The following SHLD1 variants were observed in gnomAD, a reference collection of about 807,000 sequenced individuals.
SHLD1 encodes shieldin complex subunit 1.
Under a neutral mutation model 5.5 loss-of-function variants are expected in SHLD1, and 3 were observed. The ratio of observed to expected loss-of-function variants is 0.54; its 90% CI spans 0.25 to 1.40. The LOEUF is 1.40. Ranked by LOEUF, SHLD1 falls within the 40% of genes most tolerant of loss-of-function variation. The probability of loss-of-function intolerance (pLI) is 0.15; values close to 1 mark genes in which losing one functional copy is unlikely to be tolerated. For missense variants in SHLD1, 210 were observed against 244.4 expected (o/e 0.86, Z 0.94); for synonymous variants, 92 against 94.3 (o/e 0.98, Z 0.14).
At chr20:5,767,467 A>T (rs1404276529) in intron 1 of SHLD1, among the ~76,000 whole-genome samples, 5 of 152,086 alleles carry the variant, frequency 3.3e-5, no homozygotes, top group Admixed American at 3.3e-4. Context: ...TTCTACTCTC[A>T]TTTCAGTTAG....
intron 2 of SHLD1, among the ~76,000 whole-genome samples, chr20:5,838,218 T>C (rs562715748): frequency 6.6e-5 from 10 of 152,328 alleles, no homozygotes; most frequent in Admixed American, 5.9e-4. Context: ...GCTTACCTGC[T>C]GTAATAGGAT....
chr20:5,752,358 T>C (rs1031065217), intron 1 of SHLD1, among the ~76,000 whole-genome samples: 1 of 149,542 alleles, frequency 6.7e-6, no homozygotes, highest in Non-Finnish European at 1.5e-5. Context: ...ATCGCACTAC[T>C]GCACTCTAGC....
At chr20:5,833,023 G>A (rs990485173) in intron 2 of SHLD1, among the ~76,000 whole-genome samples, 1 of 151,922 alleles carries the variant, frequency 6.6e-6, no homozygotes, top group Non-Finnish European at 1.5e-5. Context: ...GGCCAGTGTT[G>A]CATGGCTGAC....
At chr20:5,819,906 G>A (rs1453713707) in intron 2 of SHLD1, among the ~76,000 whole-genome samples, 1 of 152,032 alleles carries the variant, frequency 6.6e-6, no homozygotes, top group African/African-American at 2.4e-5. Context: ...ACTGAGTTCT[G>A]GTGGATACAT....
chr20:5,833,254 T>C (rs1377636117), intron 2 of SHLD1, among the ~76,000 whole-genome samples: 1 of 152,254 alleles, frequency 6.6e-6, no homozygotes, highest in Non-Finnish European at 1.5e-5. Context: ...ATTTGTTTTT[T>C]AATATCTTAA....
chr20:5,798,364 G>A (rs1263853372), intron 2 of SHLD1, among the ~76,000 whole-genome samples: 6 of 151,676 alleles, frequency 4.0e-5, no homozygotes, highest in Admixed American at 6.6e-5. Context: ...GTGCAGTGGC[G>A]TGATCTCGGC....
At chr20:5,774,111 G>T (rs1013436058) in intron 2 of SHLD1, among the ~76,000 whole-genome samples, 22 of 152,172 alleles carry the variant, frequency 1.4e-4, no homozygotes, top group Admixed American at 1.4e-3. Context: ...GGCTGAAGCA[G>T]GAGAATCGCT....
chr20:5,854,662 T>C (rs1373446037), intron 2 of SHLD1, among the ~76,000 whole-genome samples: 2 of 152,092 alleles, frequency 1.3e-5, no homozygotes, highest in Admixed American at 6.6e-5. Context: ...TTTTAAAAAA[T>C]ATGATAAAAT....
At chr20:5,846,974 T>C (rs1370391736) in intron 2 of SHLD1, among the ~76,000 whole-genome samples, 1 of 152,252 alleles carries the variant, frequency 6.6e-6, no homozygotes, top group Non-Finnish European at 1.5e-5. Context: ...CGGTAGTTCC[T>C]AAATTTTTAT....
At position 5,863,518 on chromosome 20, in the gene SHLD1, G is replaced by A; in HGVS notation, c.*55G>A. On this transcript the variant is annotated 3_prime_UTR_variant, in exon 3 of 3. Coordinates refer to ENST00000303142, the MANE Select transcript of SHLD1 (RefSeq NM_152504.4). ...TGGAGGTGCTGTGCCATGACCAGCA[G>A]TGTTGGTGGCCACCCAGATCCCCTA... 6.6e-7 allele frequency: 1 copy of A among 1,506,298 alleles called. No homozygotes were observed. Among genetic ancestry groups the A allele is most frequent in the Non-Finnish European group, 9.0e-7 (1 of 1,117,002 alleles). 93.3% of individuals were successfully genotyped at this position (1,506,298 alleles called of 1,614,324 possible). A position where few individuals can be genotyped will look rare whatever the true frequency, so the allele number is the denominator to read the frequency against.
intron 2 of SHLD1, among the ~76,000 whole-genome samples, chr20:5,847,650 T>G (rs957592805): frequency 7.2e-5 from 11 of 152,166 alleles, no homozygotes; most frequent in African/African-American, 2.4e-4. Flanking sequence ...GGCCCCTAAC[T>G]GTATGAAAAG....
intron 2 of SHLD1, among the ~76,000 whole-genome samples, chr20:5,832,097 C>T (rs1371921093): frequency 1.3e-5 from 2 of 152,226 alleles, no homozygotes; most frequent in Middle Eastern, 3.2e-3. Context: ...CGCACCACTG[C>T]GCCCAGCAAA....
chr20:5,793,093 G>A (rs542462859), intron 2 of SHLD1, among the ~76,000 whole-genome samples: 8 of 152,238 alleles, frequency 5.3e-5, no homozygotes, highest in Admixed American at 3.3e-4. Flanking sequence ...GAGCATATAC[G>A]TAAGGGTTTA....
intron 2 of SHLD1, among the ~76,000 whole-genome samples, chr20:5,845,586 A>C (rs934570409): frequency 6.6e-6 from 1 of 152,260 alleles, no homozygotes; most frequent in Non-Finnish European, 1.5e-5. Context: ...AACTGATGTT[A>C]GAATACCTTT....
At chr20:5,764,894 C>CT (rs891506694) in intron 1 of SHLD1, among the ~76,000 whole-genome samples, 9 of 151,992 alleles carry the variant, frequency 5.9e-5, no homozygotes, top group Non-Finnish European at 1.0e-4. Context: ...GAAATCACTT[C>CT]TTATGTGTGC....
intron 2 of SHLD1, among the ~76,000 whole-genome samples, chr20:5,830,688 T>TAA (rs33975362): frequency 2.3e-5 from 3 of 131,330 alleles, no homozygotes; most frequent in South Asian, 2.5e-4. Context: ...AACTCCGTCT[T>TAA]AAAAAAAAAA....
intron 2 of SHLD1, among the ~76,000 whole-genome samples, chr20:5,816,805 C>T (rs2087535811): frequency 6.6e-6 from 1 of 152,218 alleles, no homozygotes; most frequent in African/African-American, 2.4e-5. Context: ...CGCAGTAGCT[C>T]ACACCTGTAA....
intron 2 of SHLD1, among the ~76,000 whole-genome samples, chr20:5,843,044 G>A (rs557801885): frequency 6.6e-6 from 1 of 152,244 alleles, no homozygotes; most frequent in Non-Finnish European, 1.5e-5. Flanking sequence ...CTCGGTAAAG[G>A]TAGATTTGTT....
At position 5,863,056 on chromosome 20, in the gene SHLD1, T is replaced by A; in HGVS notation, c.211T>A (p.Ser71Thr). 1 of 1,612,710 alleles carries A rather than the reference T, an allele frequency of 6.2e-7. No homozygotes were observed. The highest frequency in any genetic ancestry group is 1.1e-5 in the South Asian group (1 of 90,902). The change falls in exon 3 of 3, where the codon TCC (serine) becomes ACC (threonine). Residue 71 changes from serine (S) to threonine (T), a missense_variant. By Grantham distance (58) the Ser-to-Thr change is moderately conservative. Transcript: ENST00000303142. ...TSNLNIEQNN[S>T]WTAENFWLDP... Reference sequence around the variant, plus strand: ...TAACTTAAATATAGAACAAAATAACTCCTGGACCGCTGAGAACTTCTGGCT... The same window carrying A: ...TAACTTAAATATAGAACAAAATAACACCTGGACCGCTGAGAACTTCTGGCT...
Sources: allele counts gnomAD v4.1 joint callset (sites outside exome capture counted in the v4.1 genomes callset), GRCh38; gene constraint gnomAD v4.1.1; transcripts MANE v1.5; gene names NCBI Gene and HGNC (gene_info 2026-07-23, HGNC 2026-07-21).